Variants in ITGA1 observed in about 807,000 individuals in gnomAD.
The protein encoded by ITGA1 is integrin subunit alpha 1, also known as integrin alpha-1.
ITGA1 carries 85 observed loss-of-function variants against 145.9 expected under a neutral mutation model. The observed-to-expected ratio is 0.58, with a 90% CI of 0.49 to 0.70. The LOEUF (loss-of-function observed/expected upper bound fraction) is 0.70. ITGA1 is among the 30% of genes least tolerant of loss of function. The pLI is 0.00. For synonymous variants in ITGA1, 520 were observed against 495.3 expected, an observed-to-expected ratio of 1.05 and a Z score of -0.66; for missense variants, 1,351 against 1,418.7, an observed-to-expected ratio of 0.95 and a Z score of 0.77.
intron 20 of ITGA1, among the ~76,000 whole-genome samples, chr5:52,929,033 C>T (rs1750856135): frequency 6.6e-6 from 1 of 152,166 alleles, no homozygotes; most frequent in South Asian, 2.1e-4. Flanking sequence ...AACCAATGAC[C>T]TCCTATATGT....
At chr5:52,862,730 G>T (rs1292350338) in intron 3 of ITGA1, among the ~76,000 whole-genome samples, 4 of 152,088 alleles carry the variant, frequency 2.6e-5, no homozygotes, top group Admixed American at 6.5e-5. Context: ...ATAAATAGTA[G>T]GAATGTGACC....
intron 1 of ITGA1, among the ~76,000 whole-genome samples, chr5:52,797,951 A>G (rs1260626240): frequency 6.6e-6 from 1 of 152,210 alleles, no homozygotes; most frequent in Non-Finnish European, 1.5e-5. Context: ...TTGGCAGACT[A>G]TGGGAAAGAT....
intron 2 of ITGA1, among the ~76,000 whole-genome samples, chr5:52,855,114 T>A (rs1749493433): frequency 6.6e-6 from 1 of 152,192 alleles, no homozygotes; most frequent in Non-Finnish European, 1.5e-5. Flanking sequence ...ATTGTTATCA[T>A]CTGTATTTTC....
chr5:52,788,270 T>C lies in ITGA1; in HGVS notation c.-84T>C, dbSNP rs909360106. 8 of 1,097,782 alleles carry C rather than the reference T, an allele frequency of 7.3e-6. No homozygotes were observed. Among genetic ancestry groups the C allele is most frequent in the Middle Eastern group, 3.0e-4 (1 of 3,298 alleles). 68.0% of individuals were successfully genotyped at this position (1,097,782 alleles called of 1,614,324 possible). On this transcript the variant is annotated 5_prime_UTR_variant, in exon 1 of 29. Transcript: ENST00000282588. ...CTGGGAACCGCGGCAGCGGGATAAG[T>C]GGCCCAGCCAGAGAGCGCAGCTCCC...
chr5:52,916,959 G>A (rs1750657383), intron 15 of ITGA1, among the ~76,000 whole-genome samples: 1 of 152,144 alleles, frequency 6.6e-6, no homozygotes, highest in African/African-American at 2.4e-5. Flanking sequence ...GGCATTGATG[G>A]CCCAAAATGA....
chr5:52,877,358 G>T (rs1366519844), intron 6 of ITGA1, among the ~76,000 whole-genome samples: 1 of 152,140 alleles, frequency 6.6e-6, no homozygotes. Context: ...CTGAGCTAAG[G>T]TAATGAGGTA....
intron 1 of ITGA1, among the ~76,000 whole-genome samples, chr5:52,806,545 G>T (rs1748591205): frequency 6.6e-6 from 1 of 152,052 alleles, no homozygotes; most frequent in African/African-American, 2.4e-5. Context: ...TTCTTCAGTG[G>T]CGATGATAAA....
intron 12 of ITGA1, 77 bp downstream of exon 12, chr5:52,905,985 C>T (rs1750397283): frequency 1.5e-6 from 2 of 1,311,320 alleles, no homozygotes; most frequent in African/African-American, 1.5e-5. Flanking sequence ...TTGTCCTAAA[C>T]TTAAAAATGC....
At chr5:52,829,651 G>A (rs1749028205) in intron 1 of ITGA1, among the ~76,000 whole-genome samples, 1 of 151,826 alleles carries the variant, frequency 6.6e-6, no homozygotes, top group African/African-American at 2.4e-5. Flanking sequence ...GGAAGCTAAT[G>A]AAAACAGTTC....
chr5:52,808,887 G>T (rs1748640647), intron 1 of ITGA1, among the ~76,000 whole-genome samples: 1 of 151,840 alleles, frequency 6.6e-6, no homozygotes, highest in Non-Finnish European at 1.5e-5. Context: ...TTTTCACAGG[G>T]TCCACATTCC....
At chr5:52,910,514 T>A in intron 14 of ITGA1, 95 bp downstream of exon 14, 1 of 1,342,638 alleles carries the variant, frequency 7.4e-7, no homozygotes, top group South Asian at 1.4e-5. Flanking sequence ...TTTAATTTCT[T>A]CCTCCTGACC....
chr5:52,817,542 A>G (rs1378344755), intron 1 of ITGA1, among the ~76,000 whole-genome samples: 1 of 152,234 alleles, frequency 6.6e-6, no homozygotes, highest in Admixed American at 6.5e-5. Flanking sequence ...TGTAGAGATT[A>G]TCTTCCTTCC....
chr5:52,949,660 A>G (rs1368635108), intron 28 of ITGA1, among the ~76,000 whole-genome samples: 1 of 152,002 alleles, frequency 6.6e-6, no homozygotes, highest in African/African-American at 2.4e-5. Context: ...TGTTCAAGAG[A>G]GTCATGAACT....
At chr5:52,913,645 A>C (rs1750600936) in intron 14 of ITGA1, among the ~76,000 whole-genome samples, 1 of 152,228 alleles carries the variant, frequency 6.6e-6, no homozygotes, top group Non-Finnish European at 1.5e-5. Flanking sequence ...TAGATATTGA[A>C]CAACTACTTA....
rs1751270883 is a variant in ITGA1, at chr5:52,954,245, C to T, written c.*1794C>T. On this transcript the variant is annotated 3_prime_UTR_variant, in exon 29 of 29. Coordinates refer to ENST00000282588, the MANE Select transcript of ITGA1 (RefSeq NM_181501.2). ...CTTTGCCCAGTAAAACTCAGGGTTT[C>T]TCTTATTCAGAGTTACCATGTTGCA... 1 of 152,162 alleles carries T rather than the reference C, an allele frequency of 6.6e-6. No homozygotes were observed. The highest frequency in any genetic ancestry group is 2.4e-5 in the African/African-American group (1 of 41,442). 9.4% of individuals were successfully genotyped at this position (152,162 alleles called of 1,614,324 possible).
At chr5:52,876,496 T>A (rs1441738248) in intron 6 of ITGA1, among the ~76,000 whole-genome samples, 1 of 152,198 alleles carries the variant, frequency 6.6e-6, no homozygotes, top group Non-Finnish European at 1.5e-5. Flanking sequence ...GAATGTCATT[T>A]CCCTGAGACT....
At chr5:52,859,891 T>C (rs1749571581) in intron 2 of ITGA1, among the ~76,000 whole-genome samples, 1 of 152,216 alleles carries the variant, frequency 6.6e-6, no homozygotes, top group African/African-American at 2.4e-5. Flanking sequence ...GACCAGGGCA[T>C]CTATTTCCAG....
At chr5:52,846,903 T>A (rs1381656901) in intron 1 of ITGA1, among the ~76,000 whole-genome samples, 1 of 152,220 alleles carries the variant, frequency 6.6e-6, no homozygotes. Flanking sequence ...TTAACTAAGA[T>A]GAAATAGTTG....
At chr5:52,818,241 A>C (rs72756544) in intron 1 of ITGA1, among the ~76,000 whole-genome samples, 2,373 of 152,300 alleles carry the variant, frequency 0.016, 30 homozygotes, top group Admixed American at 0.027. Context: ...GAGTTGAAAA[A>C]AAAATGGTAT....
Sources: gnomAD v4.1 joint callset for allele counts (sites outside exome capture counted in the v4.1 genomes callset) on GRCh38, gnomAD v4.1.1 for gene constraint, MANE v1.5 for transcripts, NCBI Gene and HGNC (gene_info 2026-07-23, HGNC 2026-07-21) for gene names.